Variants in ADAM7 observed in about 807,000 individuals in gnomAD.
The protein encoded by ADAM7 is ADAM metallopeptidase domain 7, also known as disintegrin and metalloproteinase domain-containing protein 7.
A neutral mutation model predicts 102.9 loss-of-function variants in ADAM7; 97 were observed. The observed-to-expected ratio is 0.94, with a 90% CI of 0.80 to 1.12. ADAM7 has a LOEUF of 1.12. Ranked by LOEUF, ADAM7 falls within the 50% of genes most tolerant of loss-of-function variation. The probability of loss-of-function intolerance (pLI) is 0.00; values close to 1 mark genes in which losing one functional copy is unlikely to be tolerated. For synonymous variants in ADAM7, 334 were observed against 304.4 expected (o/e 1.10, Z -1.01); for missense variants, 991 against 908.7 (o/e 1.09, Z -1.16).
At chr8:24,454,103 C>G (rs1818909377) in intron 3 of ADAM7, among the ~76,000 whole-genome samples, 2 of 152,220 alleles carry the variant, frequency 1.3e-5, no homozygotes, top group South Asian at 2.1e-4. Flanking sequence ...GGTCAGGGGT[C>G]AGGGACCCAC....
At chr8:24,497,816 A>C (rs1820611173) in intron 16 of ADAM7, among the ~76,000 whole-genome samples, 1 of 152,136 alleles carries the variant, frequency 6.6e-6, no homozygotes, top group Non-Finnish European at 1.5e-5. Flanking sequence ...AAAAGAGAAA[A>C]GGTCATTAAT....
Position 24,508,615 on chromosome 8 carries a change from A to C in ADAM7, c.*69A>C, listed in dbSNP as rs547920158. ...GGGATTCTGGATGCAACGTCTTTAC[A>C]ACCTTACCTAGATATCTGCTACTCA... On this transcript the variant is annotated 3_prime_UTR_variant, in exon 22 of 22. Coordinates refer to ENST00000175238, the MANE Select transcript of ADAM7 (RefSeq NM_003817.4). 7 of 1,610,068 alleles carry C rather than the reference A, an allele frequency of 4.3e-6. No individual in the cohort carries two copies. Among genetic ancestry groups the C allele is most frequent in the Non-Finnish European group, 5.9e-6 (7 of 1,177,788 alleles).
chr8:24,485,396 T>C, intron 10 of ADAM7, 35 bp downstream of exon 10: 1 of 1,580,584 alleles, frequency 6.3e-7, no homozygotes, highest in Non-Finnish European at 8.6e-7. Context: ...CTTAATAATG[T>C]TTGAATAAAA....
chr8:24,483,630 C>A (rs573842622), intron 9 of ADAM7, among the ~76,000 whole-genome samples: 1 of 152,210 alleles, frequency 6.6e-6, no homozygotes, highest in East Asian at 1.9e-4. Flanking sequence ...TCTGGGATGG[C>A]CCATAGCATA....
chr8:24,469,135 G>T (rs973362654), intron 7 of ADAM7, among the ~76,000 whole-genome samples: 1 of 152,152 alleles, frequency 6.6e-6, no homozygotes, highest in South Asian at 2.1e-4. Context: ...TACTAAAAAT[G>T]AAGAAGAAAA....
At chr8:24,453,252 A>G (rs1157806927) in intron 3 of ADAM7, among the ~76,000 whole-genome samples, 2 of 151,818 alleles carry the variant, frequency 1.3e-5, no homozygotes, top group African/African-American at 2.4e-5. Context: ...GTGTTTTCCA[A>G]CTTGGTTCCA....
chr8:24,476,355 T>G (rs1563385195), intron 7 of ADAM7, 78 bp from the exon 8 acceptor site: 1 of 1,081,986 alleles, frequency 9.2e-7, no homozygotes, highest in Non-Finnish European at 1.3e-6. Context: ...TTGTAATAGC[T>G]GATGAATGAA....
At chr8:24,450,569 C>G (rs1226660440) in intron 3 of ADAM7, among the ~76,000 whole-genome samples, 1 of 152,104 alleles carries the variant, frequency 6.6e-6, no homozygotes, top group Non-Finnish European at 1.5e-5. Context: ...ATGGGGTTTT[C>G]TAGATATACA....
intron 3 of ADAM7, 101 bp from the exon 4 acceptor site, chr8:24,463,781 G>A: frequency 1.0e-6 from 1 of 969,428 alleles, no homozygotes; most frequent in South Asian, 1.6e-5. Context: ...ATCTTGCTGA[G>A]ATTTGGAAGC....
intron 8 of ADAM7, among the ~76,000 whole-genome samples, chr8:24,481,025 G>A (rs534538593): frequency 2.2e-4 from 33 of 152,182 alleles, no homozygotes; most frequent in South Asian, 8.3e-4. Context: ...TTGCACCACT[G>A]CACTCCAGGC....
intron 7 of ADAM7, among the ~76,000 whole-genome samples, chr8:24,470,668 C>T (rs1471129791): frequency 6.6e-6 from 1 of 152,132 alleles, no homozygotes; most frequent in Non-Finnish European, 1.5e-5. Context: ...AACGTTACAG[C>T]ACAGTGCTTC....
rs953768139 is a variant in ADAM7, at chr8:24,476,481, G to T, written c.682G>T (p.Gly228Ter). Reference sequence around the variant, plus strand: ...CAATAAACTAAGGAACCGAATTTGGGGAATGGTCAATTTTGTCAACATGGT... The same window carrying T: ...CAATAAACTAAGGAACCGAATTTGGTGAATGGTCAATTTTGTCAACATGGT... ...PHNKLRNRIW[G>*]MVNFVNMIYK... is the part of the protein sequence containing the mutation. Residue 228 changes from glycine (G) to a stop codon, truncating the protein, a stop_gained, in exon 8 of 22, where the codon GGA (glycine) becomes TGA (stop). Transcript: ENST00000175238. LOFTEE classifies it high-confidence loss of function. 1.2e-6 allele frequency: 2 copies of T among 1,608,656 alleles called. No individual in the cohort carries two copies. Among genetic ancestry groups the T allele is most frequent in the Admixed American group, 1.7e-5 (1 of 59,878 alleles).
chr8:24,493,339 A>G (rs1820434963), intron 16 of ADAM7, 110 bp downstream of exon 16: 1 of 947,960 alleles, frequency 1.1e-6, no homozygotes, highest in Non-Finnish European at 1.5e-6. Flanking sequence ...AAAGGAAAAA[A>G]TATTGACAAG....
intron 20 of ADAM7, chr8:24,506,089 A>G (rs1820940373): frequency 6.5e-7 from 1 of 1,548,858 alleles, no homozygotes; most frequent in Admixed American, 2.0e-5. Flanking sequence ...TCTTCTTACT[A>G]GCAGAGAACT....
chr8:24,507,668 A>ATTTT, intron 21 of ADAM7, 133 bp downstream of exon 21: 1 of 543,612 alleles, frequency 1.8e-6, no homozygotes, highest in Non-Finnish European at 3.3e-6. Flanking sequence ...GAAGGTTAGA[A>ATTTT]TTTTTTTTTT....
intron 11 of ADAM7, among the ~76,000 whole-genome samples, 163 bp downstream of exon 11, chr8:24,487,480 C>G (rs1820181603): frequency 6.6e-6 from 1 of 151,916 alleles, no homozygotes; most frequent in Non-Finnish European, 1.5e-5. Flanking sequence ...AACCCCATCT[C>G]TACTAAAAAT....
intron 7 of ADAM7, among the ~76,000 whole-genome samples, chr8:24,470,542 T>C (rs1160742621): frequency 3.3e-5 from 5 of 151,686 alleles, no homozygotes; most frequent in East Asian, 3.9e-4. Context: ...ACACCTACAG[T>C]CATGCACCAC....
intron 20 of ADAM7, among the ~76,000 whole-genome samples, chr8:24,506,790 C>A (rs62500007): frequency 1.4e-4 from 20 of 140,824 alleles, no homozygotes; most frequent in Admixed American, 1.1e-3. Flanking sequence ...CACACACACA[C>A]AAAATAGAAC....
chr8:24,472,239 C>T (rs1189230188), intron 7 of ADAM7, among the ~76,000 whole-genome samples: 1 of 151,222 alleles, frequency 6.6e-6, no homozygotes, highest in Non-Finnish European at 1.5e-5. Flanking sequence ...ATTTGAACCA[C>T]ATAAATGCAA....
Sources: gnomAD v4.1 joint callset for allele counts (sites outside exome capture counted in the v4.1 genomes callset) on GRCh38, gnomAD v4.1.1 for gene constraint, MANE v1.5 for transcripts, NCBI Gene and HGNC (gene_info 2026-07-23, HGNC 2026-07-21) for gene names.